The following GFRA1 variants were observed in gnomAD, a reference collection of about 807,000 sequenced individuals.
The protein encoded by GFRA1 is GDNF family receptor alpha-1.
Under a neutral mutation model 51.6 loss-of-function variants are expected in GFRA1, and 16 were observed. That is an observed-to-expected ratio of 0.31 (90% CI 0.21 to 0.47). GFRA1 has a LOEUF of 0.47. Ranked by LOEUF, GFRA1 falls within the 20% of genes least tolerant of loss-of-function variation. The probability of loss-of-function intolerance (pLI) is 1.00; values close to 1 mark genes in which losing one functional copy is unlikely to be tolerated. For synonymous variants in GFRA1, 270 were observed against 241.3 expected (o/e 1.12, Z -1.10); for missense variants, 530 against 594.3 (o/e 0.89, Z 1.13).
At chr10:116,253,522 C>T (rs1968562212) in intron 4 of GFRA1, among the ~76,000 whole-genome samples, 1 of 151,888 alleles carries the variant, frequency 6.6e-6, no homozygotes, top group African/African-American at 2.4e-5. Flanking sequence ...GCAGGAGAAT[C>T]GTGTGAACCT....
intron 4 of GFRA1, among the ~76,000 whole-genome samples, chr10:116,248,162 T>A (rs1328314763): frequency 6.6e-6 from 1 of 152,160 alleles, no homozygotes; most frequent in Non-Finnish European, 1.5e-5. Flanking sequence ...GGCCCCGAAC[T>A]TCTTGCAGAA....
At chr10:116,251,275 CGAAG>C (rs374517144) in intron 4 of GFRA1, among the ~76,000 whole-genome samples, 303 of 152,248 alleles carry the variant, frequency 2.0e-3, no homozygotes, top group African/African-American at 6.7e-3. Flanking sequence ...GTTGATGGAC[CGAAG>C]GAAGAAGTCA....
chr10:116,204,626 G>A (rs1395927389), intron 5 of GFRA1, among the ~76,000 whole-genome samples: 1 of 152,178 alleles, frequency 6.6e-6, no homozygotes, highest in Non-Finnish European at 1.5e-5. Context: ...TAAGGAATAT[G>A]TCAAAGGGGC....
intron 4 of GFRA1, among the ~76,000 whole-genome samples, chr10:116,216,234 A>G (rs1489180928): frequency 6.6e-6 from 1 of 152,162 alleles, no homozygotes; most frequent in African/African-American, 2.4e-5. Flanking sequence ...ACTCATCCAC[A>G]TGACTAGTGT....
At chr10:116,200,736 C>G (rs890466143) in intron 5 of GFRA1, among the ~76,000 whole-genome samples, 2 of 152,156 alleles carry the variant, frequency 1.3e-5, no homozygotes, top group African/African-American at 2.4e-5. Context: ...TATAAGGGTG[C>G]TAATCCCATT....
intron 4 of GFRA1, among the ~76,000 whole-genome samples, chr10:116,234,105 G>A (rs1265692542): frequency 6.6e-6 from 1 of 152,152 alleles, no homozygotes; most frequent in African/African-American, 2.4e-5. Flanking sequence ...CAGGTTTTTT[G>A]TGCTAAATCA....
At chr10:116,247,863 C>A (rs2134673481) in intron 4 of GFRA1, among the ~76,000 whole-genome samples, 1 of 152,310 alleles carries the variant, frequency 6.6e-6, no homozygotes, top group African/African-American at 2.4e-5. Context: ...GCTGGTTCCC[C>A]ATCATATCTC....
At chr10:116,112,307 C>T (rs181809905) in intron 6 of GFRA1, among the ~76,000 whole-genome samples, 6 of 152,284 alleles carry the variant, frequency 3.9e-5, no homozygotes, top group Admixed American at 1.3e-4. Context: ...ATAGGAATTC[C>T]GACTGCTGGG....
intron 4 of GFRA1, chr10:116,255,495 GA>G (rs56869104): frequency 0.028 from 18,420 of 659,454 alleles, 174 homozygotes; most frequent in African/African-American, 0.082. Context: ...GAATCATCAG[GA>G]AAAAAAAAAA....
At chr10:116,252,140 G>A (rs1189215213) in intron 4 of GFRA1, among the ~76,000 whole-genome samples, 1 of 151,812 alleles carries the variant, frequency 6.6e-6, no homozygotes. Flanking sequence ...AACCTGTTTT[G>A]TTCTGCTCTT....
chr10:116,143,186 A>G (rs558079221), intron 5 of GFRA1, among the ~76,000 whole-genome samples: 1 of 152,310 alleles, frequency 6.6e-6, no homozygotes, highest in South Asian at 2.1e-4. Flanking sequence ...CTCCAAGTGT[A>G]TATTCATTCA....
chr10:116,172,029 T>C (rs1200212721), intron 5 of GFRA1, among the ~76,000 whole-genome samples: 1 of 152,156 alleles, frequency 6.6e-6, no homozygotes, highest in Non-Finnish European at 1.5e-5. Flanking sequence ...ATGCTTCCCT[T>C]GTCCCTAGAA....
chr10:116,196,869 C>T (rs1963926563), intron 5 of GFRA1, among the ~76,000 whole-genome samples: 1 of 125,806 alleles, frequency 7.9e-6, no homozygotes, highest in South Asian at 2.5e-4. Context: ...TCCCACAGTT[C>T]TGGAGTCCAG....
rs968489982 is a variant in GFRA1 at position 116,122,003 on chromosome 10, G to C, written c.770+3218C>G. 1.1e-4 allele frequency among the ~76,000 whole-genome samples: 16 copies of C among 152,318 alleles called. No homozygotes were observed. In the East Asian group the frequency reaches 2.9e-3, roughly 28 times the overall value. On this transcript the variant is annotated intron_variant, in intron 6 of 10. Transcript: ENST00000355422. Reference sequence around the variant, plus strand: ...AGCTCAAATTATATTTAGCACCTCTGAGAGGGAGGGGGTAATCATGAGTAA... The same window carrying C: ...AGCTCAAATTATATTTAGCACCTCTCAGAGGGAGGGGGTAATCATGAGTAA...
In GFRA1 at chr10:116,217,218, C is replaced by T. The variant is rs1024946176; in HGVS notation, c.419-5573G>A. On this transcript the variant is annotated intron_variant, in intron 4 of 10. Transcript: ENST00000355422. ...TGTGGCACCAAAGGATTATGGCCACCGGATCTCAATGACCTGGGATCAAGT... is the reference window on the plus strand; with the variant it reads ...TGTGGCACCAAAGGATTATGGCCACTGGATCTCAATGACCTGGGATCAAGT... Among the ~76,000 whole-genome samples, 11 of 152,242 alleles carry T rather than the reference C, an allele frequency of 7.2e-5. No individual in the cohort carries two copies. In the East Asian group the frequency reaches 1.9e-3, roughly 27 times the overall value.
At chr10:116,258,024 GC>G (rs757858620) in intron 4 of GFRA1, among the ~76,000 whole-genome samples, 8 of 152,138 alleles carry the variant, frequency 5.3e-5, no homozygotes, top group Non-Finnish European at 1.0e-4. Flanking sequence ...CCTTTTGCAA[GC>G]CTTCTCTGAC....
chr10:116,108,727 C>A (rs1438070312), intron 6 of GFRA1, among the ~76,000 whole-genome samples: 1 of 152,204 alleles, frequency 6.6e-6, no homozygotes, highest in Non-Finnish European at 1.5e-5. Context: ...GCTCTGCGCC[C>A]CGAGCAGGGT....
chr10:116,079,294 G>C (rs187077961), intron 9 of GFRA1, among the ~76,000 whole-genome samples: 1 of 152,254 alleles, frequency 6.6e-6, no homozygotes, highest in East Asian at 1.9e-4. Flanking sequence ...CCAGTCTACA[G>C]TATTTTGTTA....
chr10:116,114,318 CTGTG>C (rs746712200), intron 6 of GFRA1, among the ~76,000 whole-genome samples: 1 of 152,194 alleles, frequency 6.6e-6, no homozygotes, highest in Non-Finnish European at 1.5e-5. Context: ...TCACATCTTA[CTGTG>C]TATCTGTGTG....
Sources: gnomAD v4.1 joint callset for allele counts (sites outside exome capture counted in the v4.1 genomes callset) on GRCh38, gnomAD v4.1.1 for gene constraint, MANE v1.5 for transcripts, NCBI Gene and HGNC (gene_info 2026-07-23, HGNC 2026-07-21) for gene names.